Variants in FERMT2 observed in about 807,000 individuals in gnomAD.
FERMT2 encodes fermitin family homolog 2.
A neutral mutation model predicts 82.7 loss-of-function variants in FERMT2; 15 were observed. The observed-to-expected ratio is 0.18, with a 90% confidence interval of 0.12 to 0.28. The LOEUF is 0.28. Among genes scored for constraint, FERMT2 ranks in the 10% least tolerant of loss-of-function variants. The pLI is 1.00. For missense variants in FERMT2, 645 were observed against 809.4 expected (o/e 0.80, Z 2.46); for synonymous variants, 274 against 271.5 (o/e 1.01, Z -0.09).
At chr14:52,930,100 A>G (rs540293241) in intron 2 of FERMT2, among the ~76,000 whole-genome samples, 4 of 152,346 alleles carry the variant, frequency 2.6e-5, no homozygotes, top group African/African-American at 7.2e-5. Flanking sequence ...ATTTACTAAT[A>G]CAAGTTGTAT....
chr14:52,877,946 G>A (rs1222002581), intron 7 of FERMT2, among the ~76,000 whole-genome samples: 1 of 152,122 alleles, frequency 6.6e-6, no homozygotes, highest in Non-Finnish European at 1.5e-5. Context: ...ATGTGGATGT[G>A]TGGATGCCAC....
At chr14:52,915,849 T>C (rs1351004562) in intron 3 of FERMT2, among the ~76,000 whole-genome samples, 1 of 152,108 alleles carries the variant, frequency 6.6e-6, no homozygotes, top group African/African-American at 2.4e-5. Context: ...GCAGCACATA[T>C]TAGAATTTAT....
intron 2 of FERMT2, among the ~76,000 whole-genome samples, chr14:52,921,687 T>C (rs890162638): frequency 7.9e-5 from 12 of 152,060 alleles, no homozygotes; most frequent in African/African-American, 2.4e-4. Flanking sequence ...GTAGGTAGTA[T>C]ATATAGGCTG....
At position 52,874,245 on chromosome 14, in the gene FERMT2, C is replaced by CT; in HGVS notation, c.1099-20dup. On this transcript the variant is annotated intron_variant, in intron 8 of 14. Transcript: ENST00000341590. ...TGTCACCCTAGGAGAGAGTTAAATC[C>CT]TTTTTTAATTTTTTTAATATTTGAA... 6.5e-7 allele frequency: 1 copy of CT among 1,534,470 alleles called. No homozygotes were observed. Among genetic ancestry groups the CT allele is most frequent in the Non-Finnish European group, 8.8e-7 (1 of 1,135,340 alleles).
At chr14:52,899,877 T>C (rs1460610386) in intron 3 of FERMT2, among the ~76,000 whole-genome samples, 1 of 152,138 alleles carries the variant, frequency 6.6e-6, no homozygotes, top group Non-Finnish European at 1.5e-5. Context: ...TTTCTAAATG[T>C]GTAAGAGTGG....
intron 2 of FERMT2, among the ~76,000 whole-genome samples, chr14:52,946,250 G>T (rs549485450): frequency 6.6e-6 from 1 of 152,056 alleles, no homozygotes; most frequent in African/African-American, 2.4e-5. Context: ...ATTTATTTTT[G>T]AAGACAATTT....
intron 10 of FERMT2, among the ~76,000 whole-genome samples, chr14:52,868,277 C>T (rs1885411224): frequency 6.7e-6 from 1 of 150,048 alleles, no homozygotes; most frequent in Non-Finnish European, 1.5e-5. Context: ...AACTCCTGGG[C>T]TCAAGTAATG....
In FERMT2 at chr14:52,857,478, T is replaced by C. The variant is rs1884643027; in HGVS notation, c.*899A>G. ...AGTCCAGGCATTAGAGTTAAGGACA[T>C]TGTGGCAAATCATGATCATAATGAA... On this transcript the variant is annotated 3_prime_UTR_variant, in exon 15 of 15. Transcript: ENST00000341590. 6.6e-6 allele frequency: 1 copy of C among 152,560 alleles called. No individual in the cohort carries two copies. The highest frequency in any genetic ancestry group is 1.5e-5 in the Non-Finnish European group (1 of 68,024). 9.5% of individuals were successfully genotyped at this position (152,560 alleles called of 1,614,324 possible).
At chr14:52,921,314 A>G (rs1888943807) in intron 2 of FERMT2, among the ~76,000 whole-genome samples, 2 of 152,358 alleles carry the variant, frequency 1.3e-5, no homozygotes, top group South Asian at 4.1e-4. Context: ...TTACGGCTAC[A>G]GCTACTTGTG....
chr14:52,922,121 G>C (rs749469009), intron 2 of FERMT2, among the ~76,000 whole-genome samples: 2 of 152,204 alleles, frequency 1.3e-5, no homozygotes, highest in Non-Finnish European at 2.9e-5. Flanking sequence ...GGGGATCAGT[G>C]AAAGTGAGAT....
intron 2 of FERMT2, among the ~76,000 whole-genome samples, chr14:52,934,890 C>G (rs1198978485): frequency 6.6e-6 from 1 of 152,078 alleles, no homozygotes; most frequent in African/African-American, 2.4e-5. Flanking sequence ...ACTAACACTT[C>G]TGTGTGTGAA....
chr14:52,877,504 T>C (rs1353513182), intron 7 of FERMT2, among the ~76,000 whole-genome samples: 1 of 151,868 alleles, frequency 6.6e-6, no homozygotes. Flanking sequence ...CTGGGATTTA[T>C]TTTCCTTGTC....
At chr14:52,898,207 T>C (rs1887412815) in intron 3 of FERMT2, among the ~76,000 whole-genome samples, 1 of 152,166 alleles carries the variant, frequency 6.6e-6, no homozygotes, top group Non-Finnish European at 1.5e-5. Context: ...GTATATCTAA[T>C]AAAGAGCAGA....
intron 2 of FERMT2, among the ~76,000 whole-genome samples, chr14:52,920,087 C>G (rs939138149): frequency 1.3e-5 from 2 of 151,982 alleles, no homozygotes; most frequent in African/African-American, 4.8e-5. Context: ...CTAAATGAAA[C>G]CAAATAAAGA....
rs377196292 is a variant in FERMT2 at position 52,859,658 on chromosome 14, C to T, written c.1784G>A (p.Arg595Gln). 94 of 1,612,466 alleles carry T rather than the reference C, an allele frequency of 5.8e-5. No individual in the cohort carries two copies. Among genetic ancestry groups the T allele is most frequent in the African/African-American group, 2.8e-4 (21 of 74,834 alleles). The change falls in exon 14 of 15, where the codon CGG becomes CAG. Residue 595 changes from arginine to glutamine, a missense_variant. Transcript: ENST00000341590. ...LIGIAYNRLI[R>Q]MDASTGDAIK... ...TGCATCTCCAGTGCTGGCATCCATCCGAATCAGTCTGTTGTATGCAATTCC... is the reference window on the plus strand; with the variant it reads ...TGCATCTCCAGTGCTGGCATCCATCTGAATCAGTCTGTTGTATGCAATTCC...
intron 2 of FERMT2, among the ~76,000 whole-genome samples, chr14:52,941,606 A>G (rs1890094781): frequency 6.6e-6 from 1 of 152,212 alleles, no homozygotes; most frequent in Admixed American, 6.5e-5. Context: ...TTTCAGATGT[A>G]TTTGTTTACT....
Position 52,860,401 on chromosome 14 carries a change from A to G in FERMT2, c.1667T>C (p.Met556Thr). The change falls in exon 13 of 15, where the codon ATG (methionine) becomes ACG (threonine). Residue 556 changes from methionine to threonine, a missense_variant. Physicochemically the swap from Met to Thr is moderately conservative, Grantham distance 81. Coordinates refer to ENST00000341590, the MANE Select transcript of FERMT2 (RefSeq NM_006832.3). The stretch of plus-strand genomic sequence containing the variant: ...TGACTGCCAAGCTTGAATAAATCTC[A>G]TCTTGGCTTCAATTAGACTCATCTG... ...VAQMSLIEAKMRFIQAWQSLP... is the reference protein window; with the variant it reads ...VAQMSLIEAKTRFIQAWQSLP... The G allele has an allele frequency of 6.2e-7, 1 of 1,613,884 alleles. No homozygotes were observed. The highest frequency in any genetic ancestry group is 8.5e-7 in the Non-Finnish European group (1 of 1,179,846).
chr14:52,947,301 AACC>A (rs1162865079), intron 2 of FERMT2, among the ~76,000 whole-genome samples: 1 of 152,094 alleles, frequency 6.6e-6, no homozygotes, highest in Admixed American at 6.6e-5. Context: ...AACACGGTGA[AACC>A]CCGTCTCTAC....
chr14:52,919,409 G>T, intron 2 of FERMT2, 53 bp from the exon 3 acceptor site: 4 of 1,359,192 alleles, frequency 2.9e-6, no homozygotes, highest in South Asian at 1.3e-5. Context: ...AGGTGATTTT[G>T]AGAAATTAAA....
Sources: gnomAD v4.1 joint callset for allele counts (sites outside exome capture counted in the v4.1 genomes callset) on GRCh38, gnomAD v4.1.1 for gene constraint, MANE v1.5 for transcripts, NCBI Gene and HGNC (gene_info 2026-07-23, HGNC 2026-07-21) for gene names.